The following L3MBTL4 variants were observed in gnomAD, a reference collection of about 807,000 sequenced individuals.
The protein encoded by L3MBTL4 is lethal(3)malignant brain tumor-like protein 4.
A neutral mutation model predicts 84.5 loss-of-function variants in L3MBTL4; 70 were observed. The observed-to-expected ratio is 0.83, with a 90% CI of 0.68 to 1.01. L3MBTL4 has a LOEUF of 1.01. L3MBTL4 is among the 50% of genes least tolerant of loss of function. The pLI is 0.00. For synonymous variants in L3MBTL4, 274 were observed against 259.8 expected, an observed-to-expected ratio of 1.05 and a Z score of -0.52; for missense variants, 715 against 754.8, an observed-to-expected ratio of 0.95 and a Z score of 0.62.
intron 16 of L3MBTL4, among the ~76,000 whole-genome samples, chr18:6,040,068 G>C (rs1169553842): frequency 6.6e-6 from 1 of 152,086 alleles, no homozygotes; most frequent in East Asian, 1.9e-4. Flanking sequence ...TAGGAAACAT[G>C]AGAAATTTCA....
chr18:6,118,844 T>C (rs1003081899), intron 14 of L3MBTL4, among the ~76,000 whole-genome samples: 2 of 152,162 alleles, frequency 1.3e-5, no homozygotes, highest in African/African-American at 4.8e-5. Context: ...TCAAGTGTTT[T>C]ATTCTTTTAG....
intron 1 of L3MBTL4, among the ~76,000 whole-genome samples, chr18:6,336,671 C>G (rs1410880696): frequency 6.6e-6 from 1 of 152,220 alleles, no homozygotes; most frequent in Non-Finnish European, 1.5e-5. Context: ...GGTGATACAT[C>G]CCCCAAATTC....
At chr18:5,958,780 C>T (rs561437843) in intron 18 of L3MBTL4, among the ~76,000 whole-genome samples, 5 of 152,094 alleles carry the variant, frequency 3.3e-5, no homozygotes, top group African/African-American at 4.8e-5. Context: ...GGGCCCCTCT[C>T]GTAAATCTGT....
chr18:6,019,233 T>C (rs1273816424), intron 16 of L3MBTL4, among the ~76,000 whole-genome samples: 1 of 152,184 alleles, frequency 6.6e-6, no homozygotes, highest in Non-Finnish European at 1.5e-5. Flanking sequence ...AGAATCAATA[T>C]CTGGATGAAT....
chr18:6,249,807 T>C (rs1401372277), intron 5 of L3MBTL4, among the ~76,000 whole-genome samples: 2 of 152,188 alleles, frequency 1.3e-5, no homozygotes, highest in African/African-American at 2.4e-5. Context: ...AAGCAAACAA[T>C]AGGCCCATTA....
At chr18:6,324,878 T>C (rs901964490) in intron 1 of L3MBTL4, among the ~76,000 whole-genome samples, 4 of 152,188 alleles carry the variant, frequency 2.6e-5, no homozygotes, top group Non-Finnish European at 5.9e-5. Flanking sequence ...GCTTTGAATA[T>C]GCACTTCACA....
At chr18:6,013,681 C>A (rs974869195) in intron 16 of L3MBTL4, among the ~76,000 whole-genome samples, 1 of 152,174 alleles carries the variant, frequency 6.6e-6, no homozygotes, top group Non-Finnish European at 1.5e-5. Flanking sequence ...AGGGGTCTTG[C>A]AATTCGAATT....
At chr18:6,305,191 T>C (rs2050527438) in intron 3 of L3MBTL4, among the ~76,000 whole-genome samples, 1 of 152,132 alleles carries the variant, frequency 6.6e-6, no homozygotes, top group African/African-American at 2.4e-5. Flanking sequence ...ATTTTGCAAA[T>C]GGAAAAGTAT....
chr18:6,041,575 T>G (rs1278238653), intron 16 of L3MBTL4, among the ~76,000 whole-genome samples: 2 of 151,856 alleles, frequency 1.3e-5, no homozygotes, highest in East Asian at 3.9e-4. Context: ...CTACCTGCTC[T>G]TCCTGTGCGT....
At chr18:6,322,111 C>A (rs1415674787) in intron 1 of L3MBTL4, among the ~76,000 whole-genome samples, 1 of 151,296 alleles carries the variant, frequency 6.6e-6, no homozygotes, top group Non-Finnish European at 1.5e-5. Flanking sequence ...AATACTAGAA[C>A]TTTGGGAGGC....
At chr18:6,393,827 CAT>C (rs1264993813) in intron 1 of L3MBTL4, among the ~76,000 whole-genome samples, 1 of 152,172 alleles carries the variant, frequency 6.6e-6, no homozygotes, top group Non-Finnish European at 1.5e-5. Flanking sequence ...AGCCTAGGTC[CAT>C]CCCTGTCAAC....
At chr18:6,062,493 T>A (rs1283884766) in intron 16 of L3MBTL4, among the ~76,000 whole-genome samples, 1 of 152,002 alleles carries the variant, frequency 6.6e-6, no homozygotes, top group Non-Finnish European at 1.5e-5. Context: ...TTCTTTGTGC[T>A]TACTGGATAT....
At chr18:6,362,250 GGGAAA>G (rs1227181494) in intron 1 of L3MBTL4, among the ~76,000 whole-genome samples, 56 of 148,364 alleles carry the variant, frequency 3.8e-4, no homozygotes, top group Admixed American at 9.5e-4. Flanking sequence ...GGAAAGGAAA[GGGAAA>G]GGAAAGGAAA....
At chr18:5,998,182 G>A (rs1352624791) in intron 16 of L3MBTL4, among the ~76,000 whole-genome samples, 1 of 152,186 alleles carries the variant, frequency 6.6e-6, no homozygotes, top group Non-Finnish European at 1.5e-5. Context: ...GGCCAGGTAT[G>A]GCCGATGCTG....
intron 1 of L3MBTL4, among the ~76,000 whole-genome samples, chr18:6,321,250 G>C (rs977414796): frequency 7.9e-5 from 12 of 152,244 alleles, no homozygotes. Flanking sequence ...AAACAAAAAA[G>C]CTTCTGTACA....
intron 1 of L3MBTL4, among the ~76,000 whole-genome samples, chr18:6,412,876 GC>G (rs2056026871): frequency 6.6e-6 from 1 of 151,538 alleles, no homozygotes; most frequent in Admixed American, 6.6e-5. Context: ...AAATATGCAA[GC>G]TTACTTCTCT....
chr18:6,285,900 C>T (rs1197945174), intron 4 of L3MBTL4, among the ~76,000 whole-genome samples: 1 of 151,024 alleles, frequency 6.6e-6, no homozygotes, highest in Non-Finnish European at 1.5e-5. Flanking sequence ...GGTGCAATCT[C>T]GGCTCACTGC....
chr18:6,239,698 A>T lies in L3MBTL4; in HGVS notation c.707+20T>A. Reference sequence around the variant, plus strand: ...CAAACATATGAATACACAAAAATAAAACACACATTCATATCTCACCAGTAA... The same window carrying T: ...CAAACATATGAATACACAAAAATAATACACACATTCATATCTCACCAGTAA... On this transcript the variant is annotated intron_variant, in intron 9 of 18. Coordinates refer to ENST00000317931, the MANE Select transcript of L3MBTL4 (RefSeq NM_001330559.2). The T allele has an allele frequency of 6.2e-7, 1 of 1,608,432 alleles. No individual in the cohort carries two copies. Among genetic ancestry groups the T allele is most frequent in the Non-Finnish European group, 8.5e-7 (1 of 1,177,718 alleles).
At chr18:6,196,239 G>A (rs966102649) in intron 12 of L3MBTL4, among the ~76,000 whole-genome samples, 18 of 146,892 alleles carry the variant, frequency 1.2e-4, no homozygotes, top group Non-Finnish European at 1.6e-4. Flanking sequence ...CTCACTGCAA[G>A]CTCCACCTCC....
Sources: gnomAD v4.1 joint callset for allele counts (sites outside exome capture counted in the v4.1 genomes callset) on GRCh38, gnomAD v4.1.1 for gene constraint, MANE v1.5 for transcripts, NCBI Gene and HGNC (gene_info 2026-07-23, HGNC 2026-07-21) for gene names.